Variants in CNIH4 observed in about 807,000 individuals in gnomAD.
The protein encoded by CNIH4 is protein cornichon homolog 4.
Under a neutral mutation model 21.5 loss-of-function variants are expected in CNIH4, and 9 were observed. That is an observed-to-expected ratio of 0.42 (90% CI 0.25 to 0.73). The LOEUF (loss-of-function observed/expected upper bound fraction) is 0.73. Ranked by LOEUF, CNIH4 falls within the 30% of genes least tolerant of loss-of-function variation. The pLI is 0.27. For missense variants in CNIH4, 159 were observed against 170.0 expected, an observed-to-expected ratio of 0.94 and a Z score of 0.36; for synonymous variants, 67 against 59.1, an observed-to-expected ratio of 1.13 and a Z score of -0.61.
chr1:224,359,569 T>C (rs2102848463), intron 1 of CNIH4, among the ~76,000 whole-genome samples: 1 of 152,326 alleles, frequency 6.6e-6, no homozygotes, highest in African/African-American at 2.4e-5. Flanking sequence ...TTTGACTTTA[T>C]TTTATTTTCA....
chr1:224,360,692 TG>T (rs1454882537), intron 2 of CNIH4, 129 bp downstream of exon 2: 2 of 443,496 alleles, frequency 4.5e-6, no homozygotes, highest in Non-Finnish European at 8.2e-6. Context: ...GGAAATTTGA[TG>T]GAACTGCTGT....
Position 224,371,514 on chromosome 1 carries a change from G to A in CNIH4, c.392+91G>A, listed in dbSNP as rs1672628243. 3.9e-6 allele frequency: 5 copies of A among 1,294,658 alleles called. No individual in the cohort carries two copies. The East Asian group carries it at 1.2e-4, about 30-fold the overall frequency. 80.2% of individuals were successfully genotyped at this position (1,294,658 alleles called of 1,614,324 possible). A position where few individuals can be genotyped will look rare whatever the true frequency, so the allele number is the denominator to read the frequency against. ...TACTATAGGATTTTGCATTGACATT[G>A]TGGAACTTTCGGGGATTATGTAAAT... On this transcript the variant is annotated intron_variant, in intron 4 of 4. Transcript: ENST00000465271.
chr1:224,378,214 A>G lies in CNIH4; in HGVS notation c.*2392A>G, dbSNP rs1240075283. On this transcript the variant is annotated 3_prime_UTR_variant, in exon 5 of 5. Transcript: ENST00000465271. ...GGAGTAGGTGCACACCACCATGCCCAGCGAATTTTTTGTAGAGACAGAGGT... is the reference window on the plus strand; with the variant it reads ...GGAGTAGGTGCACACCACCATGCCCGGCGAATTTTTTGTAGAGACAGAGGT... 2 of 152,164 alleles carry G rather than the reference A, an allele frequency of 1.3e-5. No individual in the cohort carries two copies. Among genetic ancestry groups the G allele is most frequent in the East Asian group, 3.9e-4 (2 of 5,170 alleles). The allele number at this position is 152,164 out of a possible 1,614,324, so 9.4% of individuals were successfully genotyped here. A position where few individuals can be genotyped will look rare whatever the true frequency, so the allele number is the denominator to read the frequency against.
chr1:224,375,033 T>C (rs963533317), intron 4 of CNIH4, among the ~76,000 whole-genome samples: 1 of 152,234 alleles, frequency 6.6e-6, no homozygotes, highest in African/African-American at 2.4e-5. Flanking sequence ...TTGTTATTGT[T>C]AACTGTGTCA....
chr1:224,368,906 G>C (rs1481163696), intron 3 of CNIH4, among the ~76,000 whole-genome samples: 1 of 81,826 alleles, frequency 1.2e-5, no homozygotes, highest in Non-Finnish European at 2.5e-5. Flanking sequence ...TTTACTGTGT[G>C]TGTCTTTTTT....
intron 2 of CNIH4, chr1:224,364,235 C>G: frequency 1.0e-6 from 1 of 984,330 alleles, no homozygotes; most frequent in Non-Finnish European, 1.2e-6. Flanking sequence ...AAAAATAAAA[C>G]AAGAGGAAAA....
intron 4 of CNIH4, among the ~76,000 whole-genome samples, chr1:224,375,479 G>A (rs1672753513): frequency 6.6e-6 from 1 of 151,786 alleles, no homozygotes. Context: ...GGACATAGGT[G>A]TTTTTTGTTT....
At chr1:224,357,115 G>A in intron 1 of CNIH4, 122 bp downstream of exon 1, 2 of 1,147,456 alleles carry the variant, frequency 1.7e-6, no homozygotes, top group Non-Finnish European at 2.5e-6. Context: ...GGGCTCCCTG[G>A]GAGCTGGCCT....
chr1:224,366,296 C>T (rs1672450952), intron 3 of CNIH4, among the ~76,000 whole-genome samples: 1 of 151,640 alleles, frequency 6.6e-6, no homozygotes, highest in African/African-American at 2.4e-5. Context: ...CTGGTCTCGG[C>T]CTCCCAAAGG....
Position 224,376,170 on chromosome 1 carries a change from G to A in CNIH4, c.*348G>A. 1 of 1,025,552 alleles carries A rather than the reference G, an allele frequency of 9.8e-7. No homozygotes were observed. The highest frequency in any genetic ancestry group is 1.2e-6 in the Non-Finnish European group (1 of 856,330). The allele number at this position is 1,025,552 out of a possible 1,614,324, so 63.5% of individuals were successfully genotyped here. Reference sequence around the variant, plus strand: ...TTTAAAGGGCAAACTGAAGAGATGAGCGAGCAAAGGTGCCCTTCAGGTCTA... The same window carrying A: ...TTTAAAGGGCAAACTGAAGAGATGAACGAGCAAAGGTGCCCTTCAGGTCTA... On this transcript the variant is annotated 3_prime_UTR_variant, in exon 5 of 5. Transcript: ENST00000465271.
chr1:224,367,721 C>G (rs1408495667), intron 3 of CNIH4, among the ~76,000 whole-genome samples: 3 of 152,160 alleles, frequency 2.0e-5, no homozygotes, highest in East Asian at 3.9e-4. Context: ...TAGTAGTACT[C>G]TCCCATGATC....
rs1046852489 is a variant in CNIH4, at chr1:224,376,556, A to G, written c.*734A>G. On this transcript the variant is annotated 3_prime_UTR_variant, in exon 5 of 5. Coordinates refer to ENST00000465271, the MANE Select transcript of CNIH4 (RefSeq NM_014184.4). The stretch of plus-strand genomic sequence containing the variant: ...TGGTTTTCGTATTGCAGTTATTCCA[A>G]TTGTATTTGATCTCCCTGATAACGT... The G allele has an allele frequency of 2.7e-5, 27 of 985,262 alleles. No individual in the cohort carries two copies. The highest frequency in any genetic ancestry group is 3.5e-5 in the African/African-American group (2 of 57,206). 61.0% of individuals were successfully genotyped at this position (985,262 alleles called of 1,614,324 possible). A position where few individuals can be genotyped will look rare whatever the true frequency, so the allele number is the denominator to read the frequency against.
Position 224,376,108 on chromosome 1 carries a change from A to G in CNIH4, c.*286A>G. The G allele has an allele frequency of 8.8e-7, 1 of 1,134,788 alleles. No homozygotes were observed. Among genetic ancestry groups the G allele is most frequent in the Non-Finnish European group, 1.1e-6 (1 of 925,530 alleles). The allele number at this position is 1,134,788 out of a possible 1,614,324, so 70.3% of individuals were successfully genotyped here. A position where few individuals can be genotyped will look rare whatever the true frequency, so the allele number is the denominator to read the frequency against. ...ATTTGTATGTAGGAACAGGACTGCC[A>G]TCCCAGCTTTGCATGCCAAAGAAAT... is the stretch of plus-strand genomic sequence containing the variant. On this transcript the variant is annotated 3_prime_UTR_variant, in exon 5 of 5. Transcript: ENST00000465271.
chr1:224,373,266 C>T (rs1672683283), intron 4 of CNIH4, among the ~76,000 whole-genome samples: 1 of 152,090 alleles, frequency 6.6e-6, no homozygotes, highest in African/African-American at 2.4e-5. Flanking sequence ...CATATATGTT[C>T]CCTTATATTT....
rs1349729238 is a variant in CNIH4, at chr1:224,379,042, C to A, written c.*3220C>A. On this transcript the variant is annotated 3_prime_UTR_variant, in exon 5 of 5. Transcript: ENST00000465271. ...TGCATCTTAGTACGTATCATTTTCCCTTGCCTTTTTCCTTCTATCCTTTCA... is the reference window on the plus strand; with the variant it reads ...TGCATCTTAGTACGTATCATTTTCCATTGCCTTTTTCCTTCTATCCTTTCA... 6.5e-7 allele frequency: 1 copy of A among 1,550,190 alleles called. No individual in the cohort carries two copies. Among genetic ancestry groups the A allele is most frequent in the East Asian group, 2.4e-5 (1 of 40,930 alleles).
intron 4 of CNIH4, among the ~76,000 whole-genome samples, chr1:224,372,217 A>T (rs756890137): frequency 6.6e-6 from 1 of 152,180 alleles, no homozygotes; most frequent in Non-Finnish European, 1.5e-5. Context: ...AATTAATATG[A>T]TAGATTGGCT....
chr1:224,375,976 G>T lies in CNIH4; in HGVS notation c.*154G>T. ...TTTTGCTGTATTTTTACCATATAAAGTATTTAAAAAACATGAATTGAGTTT... is the reference window on the plus strand; with the variant it reads ...TTTTGCTGTATTTTTACCATATAAATTATTTAAAAAACATGAATTGAGTTT... On this transcript the variant is annotated 3_prime_UTR_variant, in exon 5 of 5. Coordinates refer to ENST00000465271, the MANE Select transcript of CNIH4 (RefSeq NM_014184.4). The T allele has an allele frequency of 7.7e-7, 1 of 1,304,106 alleles. No homozygotes were observed. The highest frequency in any genetic ancestry group is 1.5e-5 in the African/African-American group (1 of 66,430). The allele number at this position is 1,304,106 out of a possible 1,614,324, so 80.8% of individuals were successfully genotyped here. A position where few individuals can be genotyped will look rare whatever the true frequency, so the allele number is the denominator to read the frequency against.
chr1:224,371,927 A>G (rs1672642267), intron 4 of CNIH4, among the ~76,000 whole-genome samples: 1 of 152,138 alleles, frequency 6.6e-6, no homozygotes, highest in African/African-American at 2.4e-5. Flanking sequence ...GGGCAACAAT[A>G]GTGAAACTCT....
chr1:224,373,832 A>T (rs1672704981), intron 4 of CNIH4, among the ~76,000 whole-genome samples: 1 of 152,144 alleles, frequency 6.6e-6, no homozygotes. Flanking sequence ...CGTCTCAAAA[A>T]AAAAGAAAAA....
Sources: allele counts gnomAD v4.1 joint callset (sites outside exome capture counted in the v4.1 genomes callset), GRCh38; gene constraint gnomAD v4.1.1; transcripts MANE v1.5; gene names NCBI Gene and HGNC (gene_info 2026-07-23, HGNC 2026-07-21).